The following PYY variants were observed in gnomAD, a reference collection of about 807,000 sequenced individuals.
PYY encodes peptide YY.
In PYY, 12 loss-of-function variants were observed where a neutral mutation model predicts 10.3. The observed-to-expected ratio is 1.17, with a 90% confidence interval of 0.75 to 1.89. The LOEUF (loss-of-function observed/expected upper bound fraction) is 1.89, where lower values mean the gene tolerates loss of function less well. Among genes scored for constraint, PYY ranks in the 40% most tolerant of loss-of-function variants. The pLI, the probability that PYY is intolerant of heterozygous loss-of-function variation, is 0.00. For synonymous variants in PYY, 66 were observed against 62.0 expected (o/e 1.06, Z -0.30); for missense variants, 141 against 134.0 (o/e 1.05, Z -0.26).
chr17:43,967,946 C>CA lies in PYY; in HGVS notation c.-462-1415dup, dbSNP rs1398984506. 5.9e-5 allele frequency among the ~76,000 whole-genome samples: 9 copies of CA among 152,260 alleles called. 1 individual carries two copies. The highest frequency in any genetic ancestry group is 5.9e-4 in the Admixed American group (9 of 15,294). ...CGAGGAGTGGAAAGGGAAGGTCTAG[C>CA]ACTGAGAGAGAGAAAAGGAACTCCA... On this transcript the variant is annotated intron_variant, in intron 1 of 6. Transcript: ENST00000360085.
At chr17:43,992,795 C>G (rs1013504891) in intron 1 of PYY, among the ~76,000 whole-genome samples, 1 of 151,938 alleles carries the variant, frequency 6.6e-6, no homozygotes, top group Non-Finnish European at 1.5e-5. Context: ...CTGAGGCACG[C>G]GAATCACTTG....
At chr17:43,992,897 G>C (rs201677893) in intron 1 of PYY, among the ~76,000 whole-genome samples, 3 of 151,812 alleles carry the variant, frequency 2.0e-5, no homozygotes, top group Admixed American at 6.6e-5. Flanking sequence ...GGGGAGGATT[G>C]TCAGAGGAAG....
intron 1 of PYY, among the ~76,000 whole-genome samples, chr17:43,988,619 C>T (rs2048930070): frequency 6.6e-6 from 1 of 152,128 alleles, no homozygotes; most frequent in Non-Finnish European, 1.5e-5. Context: ...GGACCATGGG[C>T]ACCTTGACAT....
rs200557107 is a variant in PYY at position 43,965,780 on chromosome 17, T to A, written c.-218+508A>T. 1.9e-4 allele frequency among the ~76,000 whole-genome samples: 13 copies of A among 69,018 alleles called. No homozygotes were observed. In the East Asian group the frequency reaches 5.5e-3, roughly 29 times the overall value. The allele number at this position is 69,018 out of a possible 152,430, so 45.3% of individuals were successfully genotyped here. On this transcript the variant is annotated intron_variant, in intron 2 of 6. Transcript: ENST00000360085. ...TCCAGCCTGGGCAACAGAGTGAGAA[T>A]CCATCTCACAAAAAAAAAAAAAAAA... is the stretch of plus-strand genomic sequence containing the variant.
At chr17:43,978,936 C>T (rs774013405) in intron 1 of PYY, among the ~76,000 whole-genome samples, 5 of 152,148 alleles carry the variant, frequency 3.3e-5, no homozygotes, top group Non-Finnish European at 5.9e-5. Context: ...TGCCCTTATC[C>T]ATAAAGGTCT....
upstream of PYY, among the ~76,000 whole-genome samples, chr17:43,957,605 C>T (rs1191199101): frequency 6.6e-6 from 1 of 150,454 alleles, no homozygotes; most frequent in East Asian, 1.9e-4. Context: ...TGCAGTGAGC[C>T]GAGATGGTGC....
intron 1 of PYY, among the ~76,000 whole-genome samples, chr17:43,981,073 T>C (rs2048881010): frequency 6.6e-6 from 1 of 152,044 alleles, no homozygotes. Context: ...TATTGCTATG[T>C]TGCCCAGGCT....
intron 1 of PYY, among the ~76,000 whole-genome samples, chr17:43,982,629 G>A (rs999568526): frequency 2.6e-5 from 4 of 152,200 alleles, no homozygotes; most frequent in African/African-American, 4.8e-5. Context: ...GTTAAGGCAC[G>A]TGGAAGGAAC....
At chr17:43,976,269 G>GTATACATGTATACATA (rs1312257471) in intron 1 of PYY, among the ~76,000 whole-genome samples, 1 of 105,332 alleles carries the variant, frequency 9.5e-6, no homozygotes, top group South Asian at 2.7e-4. Context: ...ATGTATACAT[G>GTATACATGTATACATA]TACGTATATA....
Position 43,997,905 on chromosome 17 carries a change from GA to G in PYY, c.-463+6485del, listed in dbSNP as rs962140161. ...TACTGACTAATTGGACATAGGGTAT[GA>G]AAAAAAAAATCAAGAATGACCATAG... On this transcript the variant is annotated intron_variant, in intron 1 of 6. Transcript: ENST00000360085. 1.8e-4 allele frequency among the ~76,000 whole-genome samples: 27 copies of G among 149,520 alleles called. No individual in the cohort carries two copies. In the South Asian group the frequency reaches 2.3e-3, roughly 13 times the overall value.
In PYY at chr17:43,986,122, A is replaced by G. The variant is rs946076398; in HGVS notation, c.-463+18269T>C. ...TATAAATACCAAATTAGTCGGATGT[A>G]GTGGTGCATGCCTGTAATCCCAGCT... On this transcript the variant is annotated intron_variant, in intron 1 of 6. Coordinates refer to the PYY transcript ENST00000360085. Among the ~76,000 whole-genome samples, 20 of 152,086 alleles carry G rather than the reference A, an allele frequency of 1.3e-4. 1 individual carries two copies. Among genetic ancestry groups the G allele is most frequent in the Admixed American group, 6.6e-5 (1 of 15,254 alleles).
At chr17:43,960,659 C>A (rs1470472526) in intron 2 of PYY, among the ~76,000 whole-genome samples, 2 of 147,102 alleles carry the variant, frequency 1.4e-5, no homozygotes, top group East Asian at 2.1e-4. Context: ...ACCAGCCTGG[C>A]CAACATGGTG....
At chr17:43,974,769 G>C (rs578085305) in intron 1 of PYY, among the ~76,000 whole-genome samples, 27 of 152,314 alleles carry the variant, frequency 1.8e-4, no homozygotes, top group African/African-American at 5.8e-4. Flanking sequence ...CAGAGTTACA[G>C]CAAATTGAAA....
chr17:43,993,955 G>C (rs2048973916), intron 1 of PYY, among the ~76,000 whole-genome samples: 1 of 152,108 alleles, frequency 6.6e-6, no homozygotes, highest in Non-Finnish European at 1.5e-5. Context: ...CTGGATTCAA[G>C]TGATCCTCCC....
chr17:43,972,190 AT>A lies in PYY; in HGVS notation c.-462-5659del, dbSNP rs1555617853. ...TTTAGTTATTTATTTATTTTATTTT[AT>A]TTTATTTATTTATTTATTTATTTAT... On this transcript the variant is annotated intron_variant, in intron 1 of 6. Coordinates refer to the PYY transcript ENST00000360085. 7.2e-3 allele frequency among the ~76,000 whole-genome samples: 628 copies of A among 87,378 alleles called. 2 individuals carry two copies. The highest frequency in any genetic ancestry group is 0.029 in the Middle Eastern group (5 of 170). 57.3% of individuals were successfully genotyped at this position (87,378 alleles called of 152,430 possible).
At chr17:43,967,597 T>C (rs1404341265) in intron 1 of PYY, among the ~76,000 whole-genome samples, 1 of 152,124 alleles carries the variant, frequency 6.6e-6, no homozygotes, top group South Asian at 2.1e-4. Context: ...TATATAACAA[T>C]AGCATCTACT....
At chr17:43,988,896 G>A (rs1262233545) in intron 1 of PYY, among the ~76,000 whole-genome samples, 2 of 151,566 alleles carry the variant, frequency 1.3e-5, no homozygotes, top group Non-Finnish European at 2.9e-5. Context: ...CGGAATAGCT[G>A]GGATTACAGG....
intron 1 of PYY, among the ~76,000 whole-genome samples, chr17:43,995,712 T>G (rs893871338): frequency 6.6e-6 from 1 of 151,310 alleles, no homozygotes; most frequent in Non-Finnish European, 1.5e-5. Flanking sequence ...CAGGCGCCTG[T>G]AGTCCCAGCT....
chr17:43,982,181 A>G (rs2048887951), intron 1 of PYY, among the ~76,000 whole-genome samples: 1 of 151,942 alleles, frequency 6.6e-6, no homozygotes, highest in Non-Finnish European at 1.5e-5. Context: ...TCACCCCCCA[A>G]CTCTGAATGA....
Sources: gnomAD v4.1 joint callset for allele counts (sites outside exome capture counted in the v4.1 genomes callset) on GRCh38, gnomAD v4.1.1 for gene constraint, MANE v1.5 for transcripts, NCBI Gene and HGNC (gene_info 2026-07-23, HGNC 2026-07-21) for gene names.